The following ACYP2 variants were observed in gnomAD, a reference collection of about 807,000 sequenced individuals.
ACYP2 encodes acylphosphatase-2.
ACYP2 carries 12 observed loss-of-function variants against 11.2 expected under a neutral mutation model. The ratio of observed to expected loss-of-function variants is 1.08; its 90% CI spans 0.69 to 1.74. ACYP2 has a LOEUF of 1.74. ACYP2 is among the 40% of genes most tolerant of loss of function. ACYP2 has a pLI of 0.00. For missense variants in ACYP2, 134 were observed against 101.9 expected (o/e 1.31, Z -1.35); for synonymous variants, 43 against 32.2 (o/e 1.33, Z -1.13).
At chr2:54,084,173 C>G (rs1000469014) in intron 4 of ACYP2, among the ~76,000 whole-genome samples, 1 of 152,148 alleles carries the variant, frequency 6.6e-6, no homozygotes, top group Admixed American at 6.5e-5. Flanking sequence ...TTCTACTACT[C>G]CAAAAATAGA....
At chr2:54,070,326 G>A (rs951751831) in intron 4 of ACYP2, among the ~76,000 whole-genome samples, 1 of 151,614 alleles carries the variant, frequency 6.6e-6, no homozygotes, top group Non-Finnish European at 1.5e-5. Context: ...CTGCTCTGCA[G>A]GTGTCCAGTC....
intron 4 of ACYP2, among the ~76,000 whole-genome samples, chr2:54,063,418 C>T (rs1401501194): frequency 2.6e-5 from 4 of 152,166 alleles, no homozygotes; most frequent in Admixed American, 2.0e-4. Flanking sequence ...CTCCATCTTT[C>T]TCGACCCTGC....
intron 2 of ACYP2, among the ~76,000 whole-genome samples, chr2:54,017,166 C>G (rs1673733689): frequency 6.6e-6 from 1 of 152,238 alleles, no homozygotes; most frequent in East Asian, 1.9e-4. Context: ...CTGTAAGGGC[C>G]CTTATCACAT....
intron 6 of ACYP2, among the ~76,000 whole-genome samples, chr2:54,286,303 GT>G (rs1689074990): frequency 1.3e-5 from 2 of 152,030 alleles, no homozygotes; most frequent in Admixed American, 1.3e-4. Context: ...GCCCAACATT[GT>G]GAGAGAATAT....
intron 6 of ACYP2, among the ~76,000 whole-genome samples, chr2:54,269,383 G>T (rs1688179321): frequency 6.6e-6 from 1 of 152,194 alleles, no homozygotes; most frequent in Non-Finnish European, 1.5e-5. Flanking sequence ...AAAAGATGAA[G>T]ACCTTTATCT....
chr2:54,296,279 G>T (rs1689520953), intron 6 of ACYP2, among the ~76,000 whole-genome samples: 1 of 152,318 alleles, frequency 6.6e-6, no homozygotes, highest in South Asian at 2.1e-4. Flanking sequence ...TGGCCTCTCT[G>T]CTGGCTTCCA....
chr2:54,159,966 C>T (rs1051299703), intron 6 of ACYP2, among the ~76,000 whole-genome samples: 3 of 152,176 alleles, frequency 2.0e-5, no homozygotes, highest in African/African-American at 7.2e-5. Context: ...TGTGTTGTAG[C>T]CCCTCACTGT....
intron 3 of ACYP2, among the ~76,000 whole-genome samples, chr2:54,053,813 A>C (rs1157081788): frequency 2.0e-5 from 3 of 152,182 alleles, no homozygotes; most frequent in African/African-American, 7.2e-5. Context: ...TTACTCAGTA[A>C]TTCTTTATAT....
intron 6 of ACYP2, among the ~76,000 whole-genome samples, chr2:54,225,341 G>A (rs1478006451): frequency 6.6e-6 from 1 of 152,100 alleles, no homozygotes; most frequent in East Asian, 1.9e-4. Context: ...TAAATGGAGT[G>A]ATTTAAAAAT....
chr2:54,259,092 A>G (rs1687673275), intron 6 of ACYP2, among the ~76,000 whole-genome samples: 2 of 152,208 alleles, frequency 1.3e-5, no homozygotes, highest in African/African-American at 4.8e-5. Context: ...GGTGTAAGAG[A>G]AAGAGAGAAG....
chr2:54,116,065 G>A (rs1679772614), intron 4 of ACYP2, among the ~76,000 whole-genome samples: 1 of 152,108 alleles, frequency 6.6e-6, no homozygotes, highest in Non-Finnish European at 1.5e-5. Context: ...TGTTGAAGTT[G>A]GGTAGGAAAA....
At chr2:54,274,861 C>G (rs555453518) in intron 6 of ACYP2, among the ~76,000 whole-genome samples, 22 of 152,242 alleles carry the variant, frequency 1.4e-4, no homozygotes, top group African/African-American at 5.1e-4. Context: ...AACATGGATA[C>G]AAAGCAGAAT....
chr2:54,165,531 TCTCTCACACACACA>T (rs1353895353), intron 6 of ACYP2, among the ~76,000 whole-genome samples: 80 of 119,666 alleles, frequency 6.7e-4, no homozygotes, highest in African/African-American at 2.2e-3. Flanking sequence ...TCTCTCTCTC[TCTCTCACACACACA>T]CACACACACA....
intron 6 of ACYP2, among the ~76,000 whole-genome samples, chr2:54,149,600 T>C (rs1375667886): frequency 6.6e-6 from 1 of 152,226 alleles, no homozygotes; most frequent in Non-Finnish European, 1.5e-5. Context: ...AGCCTTTGAA[T>C]AAGTCCTCAG....
At position 54,008,066 on chromosome 2, in the gene ACYP2, C is replaced by T. The variant is rs7600539; in HGVS notation, c.62+34256C>T. 3.7e-3 allele frequency among the ~76,000 whole-genome samples: 564 copies of T among 152,244 alleles called. 6 individuals are homozygous for T. Among genetic ancestry groups the T allele is most frequent in the African/African-American group, 0.013 (541 of 41,566 alleles). ...GCTATGTTAGAATTTCTCTTACTGT[C>T]GTAATTTTGCAAACGCAGTTTCACT... On this transcript the variant is annotated intron_variant, in intron 2 of 6. Coordinates refer to ENST00000607452, the MANE Select transcript of ACYP2 (RefSeq NM_001320586.2).
intron 6 of ACYP2, among the ~76,000 whole-genome samples, chr2:54,222,750 C>A (rs1181106252): frequency 6.6e-6 from 1 of 152,006 alleles, no homozygotes; most frequent in East Asian, 1.9e-4. Flanking sequence ...CTACTAATTC[C>A]CCGGCCTTAC....
intron 4 of ACYP2, among the ~76,000 whole-genome samples, chr2:54,075,518 A>AGAAG (rs1229583148): frequency 7.1e-5 from 9 of 126,012 alleles, no homozygotes; most frequent in Non-Finnish European, 1.0e-4. Flanking sequence ...AAAAAAAGAA[A>AGAAG]GAAAAAAAAA....
At chr2:54,187,800 A>G (rs1684072115) in intron 6 of ACYP2, among the ~76,000 whole-genome samples, 1 of 152,208 alleles carries the variant, frequency 6.6e-6, no homozygotes, top group Non-Finnish European at 1.5e-5. Context: ...GGTGTCCTCC[A>G]GAATTCATGT....
At chr2:54,018,934 G>A (rs1442322880) in intron 2 of ACYP2, among the ~76,000 whole-genome samples, 3 of 152,010 alleles carry the variant, frequency 2.0e-5, no homozygotes, top group African/African-American at 7.2e-5. Flanking sequence ...TTTTCGAAGA[G>A]ATGGGGTTTC....
Sources: gnomAD v4.1 joint callset for allele counts (sites outside exome capture counted in the v4.1 genomes callset) on GRCh38, gnomAD v4.1.1 for gene constraint, MANE v1.5 for transcripts, NCBI Gene and HGNC (gene_info 2026-07-23, HGNC 2026-07-21) for gene names.